Variants in SPATA6L observed in about 807,000 individuals in gnomAD.
SPATA6L encodes spermatogenesis associated 6 like, also known as spermatogenesis associated 6-like protein.
Under a neutral mutation model 49.2 loss-of-function variants are expected in SPATA6L, and 68 were observed. That is an observed-to-expected ratio of 1.38 (90% confidence interval 1.14 to 1.69). The LOEUF (loss-of-function observed/expected upper bound fraction) is 1.69, where lower values mean the gene tolerates loss of function less well. Ranked by LOEUF, SPATA6L falls within the 40% of genes most tolerant of loss-of-function variation. SPATA6L has a pLI of 0.00. For missense variants in SPATA6L, 668 were observed against 464.3 expected (o/e 1.44, Z -4.03); for synonymous variants, 198 against 165.7 (o/e 1.19, Z -1.50).
chr9:4,625,739 C>T (rs1015421287), intron 5 of SPATA6L, 173 bp from the exon 6 acceptor site: 1 of 462,446 alleles, frequency 2.2e-6, no homozygotes, highest in African/African-American at 2.0e-5. Flanking sequence ...TTTTCCTGTT[C>T]AGTTTAACAT....
chr9:4,614,364 T>G (rs992579260), intron 9 of SPATA6L, among the ~76,000 whole-genome samples: 3 of 152,168 alleles, frequency 2.0e-5, no homozygotes, highest in Non-Finnish European at 4.4e-5. Context: ...CCTTACTGAC[T>G]TCAGTATTAA....
chr9:4,597,959 T>C (rs1320034716), downstream of SPATA6L, among the ~76,000 whole-genome samples: 2 of 152,164 alleles, frequency 1.3e-5, no homozygotes, highest in African/African-American at 4.8e-5. Flanking sequence ...GGCATTTGGG[T>C]GCTAGGGCTG....
downstream of SPATA6L, among the ~76,000 whole-genome samples, chr9:4,597,673 A>G (rs1338017496): frequency 6.6e-6 from 1 of 152,160 alleles, no homozygotes; most frequent in Non-Finnish European, 1.5e-5. Flanking sequence ...AGGCCAAAGG[A>G]GCAAAGGGTT....
At chr9:4,615,227 A>G (rs1827694568) in intron 9 of SPATA6L, among the ~76,000 whole-genome samples, 2 of 152,088 alleles carry the variant, frequency 1.3e-5, no homozygotes, top group Admixed American at 6.6e-5. Context: ...CACACTATTC[A>G]CAAAGTGCTG....
rs762787709 is a variant in SPATA6L at position 4,629,100 on chromosome 9, G to A, written c.420C>T (p.Asn140=). Residue 140 remains asparagine (N), a synonymous_variant, in exon 5 of 12, where the codon AAC becomes AAT. Coordinates refer to ENST00000682582, the MANE Select transcript of SPATA6L (RefSeq NM_001353486.2). ...TTTGTATTGTACTTACAAGAAATCT[G>A]TTTCTATGCAGAAACACACATTCTC... The part of the protein sequence containing the change: ...AIRECVFLHR[N]RFLEERHESR... 1 of 1,605,222 alleles carries A rather than the reference G, an allele frequency of 6.2e-7. No homozygotes were observed. Among genetic ancestry groups the A allele is most frequent in the South Asian group, 1.1e-5 (1 of 90,442 alleles).
intron 3 of SPATA6L, chr9:4,646,543 A>G (rs1454754537): frequency 1.3e-6 from 2 of 1,487,886 alleles, no homozygotes; most frequent in Non-Finnish European, 1.8e-6. Context: ...AAAGGAAAAA[A>G]TGAGATTTTA....
intron 3 of SPATA6L, among the ~76,000 whole-genome samples, chr9:4,647,397 G>C (rs1031065597): frequency 1.3e-5 from 2 of 152,070 alleles, no homozygotes; most frequent in Admixed American, 6.5e-5. Context: ...TTCGAGACCA[G>C]CCTGGCCAAC....
At chr9:4,661,175 C>G (rs922176040) in intron 2 of SPATA6L, among the ~76,000 whole-genome samples, 3 of 152,188 alleles carry the variant, frequency 2.0e-5, no homozygotes, top group Non-Finnish European at 2.9e-5. Flanking sequence ...TACTCTGTAG[C>G]CTTCCTTCTC....
At chr9:4,664,305 A>T (rs1163640613) in intron 1 of SPATA6L, 5 of 166,930 alleles carry the variant, frequency 3.0e-5, no homozygotes, top group Admixed American at 2.6e-4. Context: ...ACGTCTTCTC[A>T]ATGCAAGAAC....
At chr9:4,648,890 T>C (rs1262376703) in intron 3 of SPATA6L, among the ~76,000 whole-genome samples, 1 of 152,082 alleles carries the variant, frequency 6.6e-6, no homozygotes, top group Non-Finnish European at 1.5e-5. Context: ...TGCATCCTCA[T>C]AGCTTAGCTC....
intron 9 of SPATA6L, among the ~76,000 whole-genome samples, chr9:4,613,465 A>G: frequency 6.9e-6 from 1 of 144,416 alleles, no homozygotes; most frequent in Middle Eastern, 3.4e-3. Flanking sequence ...TAAGACCAAC[A>G]GTATGAATGG....
chr9:4,603,634 T>C (rs947510421), intron 11 of SPATA6L, among the ~76,000 whole-genome samples: 4 of 152,160 alleles, frequency 2.6e-5, no homozygotes, highest in Non-Finnish European at 4.4e-5. Context: ...AGAGACAGAT[T>C]CTCTGATCTC....
At chr9:4,592,480 C>G (rs1042806682) in intron 13 of SPATA6L, among the ~76,000 whole-genome samples, 19 of 152,158 alleles carry the variant, frequency 1.2e-4, no homozygotes, top group South Asian at 6.2e-4. Context: ...CCCCTTTCCA[C>G]AAACGAAGAA....
exon 14 of SPATA6L, chr9:4,588,828 G>A (rs1186830100): frequency 6.6e-6 from 1 of 152,142 alleles, no homozygotes; most frequent in Non-Finnish European, 1.5e-5. Flanking sequence ...CTCTTTTTTA[G>A]TCCAGTGGGT....
At chr9:4,621,197 T>C (rs1469291399) in intron 7 of SPATA6L, among the ~76,000 whole-genome samples, 2 of 152,200 alleles carry the variant, frequency 1.3e-5, no homozygotes, top group Non-Finnish European at 2.9e-5. Flanking sequence ...AGTTCAGGAA[T>C]GACTGATCTT....
At chr9:4,659,391 CAGAG>C (rs1839065807) in intron 2 of SPATA6L, among the ~76,000 whole-genome samples, 1 of 151,672 alleles carries the variant, frequency 6.6e-6, no homozygotes. Flanking sequence ...AACAGACAAA[CAGAG>C]AGCGAAATCA....
At chr9:4,654,646 G>T (rs1279133039) in intron 3 of SPATA6L, among the ~76,000 whole-genome samples, 1 of 152,190 alleles carries the variant, frequency 6.6e-6, no homozygotes, top group East Asian at 1.9e-4. Flanking sequence ...CAGCAGATGG[G>T]GGAGCCAGCA....
intron 3 of SPATA6L, among the ~76,000 whole-genome samples, chr9:4,645,388 CA>C (rs1835141471): frequency 6.6e-6 from 1 of 152,086 alleles, no homozygotes; most frequent in Non-Finnish European, 1.5e-5. Context: ...TTATTTCTTA[CA>C]GTTATGGAGG....
chr9:4,600,684 T>C lies in SPATA6L; in HGVS notation c.*127A>G, dbSNP rs191827637. On this transcript the variant is annotated 3_prime_UTR_variant, in exon 12 of 12. Coordinates refer to ENST00000682582, the MANE Select transcript of SPATA6L (RefSeq NM_001353486.2). ...ACAAAAGACTGAGTACAGGGTTTGGTTTAAAGGGGATTAGACATCAGTGAC... is the reference window on the plus strand; with the variant it reads ...ACAAAAGACTGAGTACAGGGTTTGGCTTAAAGGGGATTAGACATCAGTGAC... The C allele has an allele frequency of 1.3e-5, 2 of 152,256 alleles. No homozygotes were observed. Among genetic ancestry groups the C allele is most frequent in the East Asian group, 3.9e-4 (2 of 5,182 alleles). The allele number at this position is 152,256 out of a possible 1,614,324, so 9.4% of individuals were successfully genotyped here. A position where few individuals can be genotyped will look rare whatever the true frequency, so the allele number is the denominator to read the frequency against.
Sources: allele counts gnomAD v4.1 joint callset (sites outside exome capture counted in the v4.1 genomes callset), GRCh38; gene constraint gnomAD v4.1.1; transcripts MANE v1.5; gene names NCBI Gene and HGNC (gene_info 2026-07-23, HGNC 2026-07-21).